SEMA3A: variants seen among roughly 807,000 people sequenced by gnomAD.
SEMA3A encodes semaphorin-3A.
SEMA3A carries 29 observed loss-of-function variants against 97.9 expected under a neutral mutation model. The observed-to-expected ratio is 0.30, with a 90% confidence interval of 0.22 to 0.40. The LOEUF is 0.40. Among genes scored for constraint, SEMA3A ranks in the 10% least tolerant of loss-of-function variants. The pLI is 1.00. For missense variants in SEMA3A, 763 were observed against 951.3 expected (o/e 0.80, Z 2.60); for synonymous variants, 321 against 323.7 (o/e 0.99, Z 0.09).
At chr7:84,229,002 A>T (rs1193134014) in intron 3 of SEMA3A, among the ~76,000 whole-genome samples, 2 of 151,804 alleles carry the variant, frequency 1.3e-5, no homozygotes, top group Non-Finnish European at 2.9e-5. Flanking sequence ...ATTCTGACTT[A>T]TTTTTCTTAC....
chr7:84,378,091 T>C (rs761455253), intron 1 of SEMA3A, among the ~76,000 whole-genome samples: 7 of 152,036 alleles, frequency 4.6e-5, no homozygotes, highest in Admixed American at 6.6e-5. Context: ...GTAATTTCAA[T>C]CTCACACAGT....
chr7:84,091,623 T>C (rs1794607739), intron 4 of SEMA3A, among the ~76,000 whole-genome samples: 1 of 152,162 alleles, frequency 6.6e-6, no homozygotes, highest in Admixed American at 6.6e-5. Flanking sequence ...TAAAACAATA[T>C]AATTAAACTT....
At chr7:84,150,670 C>T (rs1241302768) in intron 1 of SEMA3A, among the ~76,000 whole-genome samples, 3 of 152,242 alleles carry the variant, frequency 2.0e-5, no homozygotes, top group Non-Finnish European at 4.4e-5. Flanking sequence ...GGGAGGGGCG[C>T]CCGCCATTGC....
intron 3 of SEMA3A, among the ~76,000 whole-genome samples, chr7:84,217,118 G>C (rs568225406): frequency 7.3e-4 from 111 of 152,312 alleles, no homozygotes; most frequent in Non-Finnish European, 1.2e-3. Flanking sequence ...CAGCTGTAAT[G>C]TGTTTTCAGT....
At chr7:84,364,487 T>A (rs2116077350) in intron 2 of SEMA3A, among the ~76,000 whole-genome samples, 1 of 151,874 alleles carries the variant, frequency 6.6e-6, no homozygotes, top group Non-Finnish European at 1.5e-5. Flanking sequence ...TTTTAGAATT[T>A]AAAAAATCAT....
At chr7:84,306,461 T>C (rs915048982) in intron 3 of SEMA3A, 4 of 152,124 alleles carry the variant, frequency 2.6e-5, no homozygotes, top group Non-Finnish European at 4.4e-5. Flanking sequence ...AACAGTCCCA[T>C]ACAATATAGA....
intron 4 of SEMA3A, among the ~76,000 whole-genome samples, chr7:84,088,459 A>T (rs1461746156): frequency 6.6e-6 from 1 of 152,100 alleles, no homozygotes; most frequent in Non-Finnish European, 1.5e-5. Context: ...GTTTCCAAAA[A>T]AAAAAAGAAA....
At position 84,091,507 on chromosome 7, in the gene SEMA3A, T is replaced by C. The variant is rs910462602; in HGVS notation, c.453+18963A>G. 3.3e-5 allele frequency among the ~76,000 whole-genome samples: 5 copies of C among 152,106 alleles called. No homozygotes were observed. The East Asian group carries it at 9.7e-4, about 29-fold the overall frequency. ...TTATCAGGGCATGCTGGGTTAAGAA[T>C]GTGGGTGGAGATTTAGAATGATAAA... is the stretch of plus-strand genomic sequence containing the variant. On this transcript the variant is annotated intron_variant, in intron 4 of 16. Coordinates refer to ENST00000265362, the MANE Select transcript of SEMA3A (RefSeq NM_006080.3).
chr7:84,242,755 G>A lies in SEMA3A; in HGVS notation c.-82-48087C>T, dbSNP rs192850816. Reference sequence around the variant, plus strand: ...CTTCCAGCTTTTGCCCATTCAGAATGATATGGGCTGTGGGTTTGTCATAAA... The same window carrying A: ...CTTCCAGCTTTTGCCCATTCAGAATAATATGGGCTGTGGGTTTGTCATAAA... On this transcript the variant is annotated intron_variant, in intron 3 of 3. Transcript: ENST00000424555. Among the ~76,000 whole-genome samples, 519 of 152,268 alleles carry A rather than the reference G, an allele frequency of 3.4e-3. 3 individuals are homozygous for A. The highest frequency in any genetic ancestry group is 5.5e-3 in the Non-Finnish European group (376 of 68,026).
chr7:84,187,007 G>A (rs941385709), intron 1 of SEMA3A, among the ~76,000 whole-genome samples: 5 of 152,080 alleles, frequency 3.3e-5, no homozygotes, highest in Non-Finnish European at 7.4e-5. Flanking sequence ...ATACTCTGAG[G>A]CTGTGGAACT....
At chr7:84,265,770 C>T (rs1456327353) in intron 3 of SEMA3A, among the ~76,000 whole-genome samples, 2 of 151,776 alleles carry the variant, frequency 1.3e-5, no homozygotes, top group East Asian at 3.9e-4. Context: ...GCCACCTCTC[C>T]CACTGTCCCC....
chr7:84,195,411 T>C (rs1377976256), upstream of SEMA3A: 1 of 147,424 alleles, frequency 6.8e-6, no homozygotes, highest in Non-Finnish European at 1.5e-5. Context: ...AACTTGTGCA[T>C]TGTATGTGTG....
intron 2 of SEMA3A, among the ~76,000 whole-genome samples, chr7:84,354,707 T>C (rs781742326): frequency 6.6e-6 from 1 of 151,682 alleles, no homozygotes; most frequent in Non-Finnish European, 1.5e-5. Context: ...TTTTTCATTA[T>C]GGTCCAAGAA....
chr7:84,059,475 G>A (rs1157149666), intron 5 of SEMA3A, among the ~76,000 whole-genome samples: 1 of 151,848 alleles, frequency 6.6e-6, no homozygotes, highest in Non-Finnish European at 1.5e-5. Flanking sequence ...TTCTGAGTAG[G>A]AAAAAATTAT....
chr7:83,967,002 C>T (rs1024624898), intron 15 of SEMA3A, among the ~76,000 whole-genome samples: 4 of 152,074 alleles, frequency 2.6e-5, no homozygotes, highest in Admixed American at 6.5e-5. Context: ...TGAGCCACCG[C>T]GCCCGGCCAA....
At chr7:84,463,237 C>CTTTTTTTTTTTTTTTTTTTTT (rs59465422) in intron 1 of SEMA3A, among the ~76,000 whole-genome samples, 4 of 71,346 alleles carry the variant, frequency 5.6e-5, no homozygotes, top group African/African-American at 2.2e-4. Flanking sequence ...TGTAACTATT[C>CTTTTTTTTTTTTTTTTTTTTT]TTTTTTTTTT....
chr7:84,067,554 T>C (rs926892514), intron 4 of SEMA3A, among the ~76,000 whole-genome samples: 22 of 151,874 alleles, frequency 1.4e-4, no homozygotes, highest in Admixed American at 1.1e-3. Context: ...AGAATCTACA[T>C]TGAACTCAAA....
At chr7:84,310,043 A>G (rs1801274552) in intron 2 of SEMA3A, among the ~76,000 whole-genome samples, 1 of 152,222 alleles carries the variant, frequency 6.6e-6, no homozygotes, top group Non-Finnish European at 1.5e-5. Context: ...AAAATATTGT[A>G]GAAAACATAC....
Position 84,194,654 on chromosome 7 carries a change from C to A in SEMA3A, c.-68G>T. On this transcript the variant is annotated 5_prime_UTR_variant, in exon 1 of 17. An upstream open reading frame in the 5' UTR gains an earlier in-frame stop. Transcript: ENST00000265362. ...CCTGTATTGTGCGGCCAGAGAAGTTCAAACAATCTGGAAACTGGAGGTAAC... is the reference window on the plus strand; with the variant it reads ...CCTGTATTGTGCGGCCAGAGAAGTTAAAACAATCTGGAAACTGGAGGTAAC... 2.0e-6 allele frequency: 2 copies of A among 994,462 alleles called. No individual in the cohort carries two copies. Among genetic ancestry groups the A allele is most frequent in the South Asian group, 1.4e-5 (1 of 73,358 alleles). 61.6% of individuals were successfully genotyped at this position (994,462 alleles called of 1,614,324 possible).
Sources: gnomAD v4.1 joint callset for allele counts (sites outside exome capture counted in the v4.1 genomes callset) on GRCh38, gnomAD v4.1.1 for gene constraint, MANE v1.5 for transcripts, NCBI Gene and HGNC (gene_info 2026-07-23, HGNC 2026-07-21) for gene names.